Variants in MYOM2 observed in about 807,000 individuals in gnomAD.
MYOM2 encodes the protein myomesin-2.
MYOM2 carries 254 observed loss-of-function variants against 187.6 expected under a neutral mutation model. The observed-to-expected ratio is 1.35, with a 90% confidence interval of 1.22 to 1.50. The LOEUF (loss-of-function observed/expected upper bound fraction) is 1.50. Among genes scored for constraint, MYOM2 ranks in the 40% most tolerant of loss-of-function variants. The pLI is 0.00. For synonymous variants in MYOM2, 981 were observed against 753.8 expected, an observed-to-expected ratio of 1.30 and a Z score of -4.94; for missense variants, 2,796 against 1,924.0, an observed-to-expected ratio of 1.45 and a Z score of -8.48.
Position 2,124,282 on chromosome 8 carries a change from G to C in MYOM2, c.3694+65G>C, listed in dbSNP as rs944137082. ...CTGAAATCACTATTTCCTGACACGG[G>C]AAGTCACTGCTGCAAAAGAGGGCAC... On this transcript the variant is annotated intron_variant, in intron 31 of 36. Coordinates refer to ENST00000262113, the MANE Select transcript of MYOM2 (RefSeq NM_003970.4). The C allele has an allele frequency of 4.8e-5, 71 of 1,493,304 alleles. 1 individual carries two copies. In the South Asian group the frequency reaches 8.1e-4, roughly 17 times the overall value. The allele number at this position is 1,493,304 out of a possible 1,614,324, so 92.5% of individuals were successfully genotyped here. A position where few individuals can be genotyped will look rare whatever the true frequency, so the allele number is the denominator to read the frequency against.
intron 32 of MYOM2, among the ~76,000 whole-genome samples, chr8:2,133,939 CTCCACCCTCT>C (rs1370685776): frequency 6.6e-6 from 1 of 151,934 alleles, no homozygotes; most frequent in East Asian, 1.9e-4. Context: ...CCCTTACATC[CTCCACCCTCT>C]TCCCCTGAGG....
intron 35 of MYOM2, 60 bp downstream of exon 35, chr8:2,142,457 C>T (rs1798306230): frequency 6.3e-7 from 1 of 1,577,004 alleles, no homozygotes; most frequent in Non-Finnish European, 8.7e-7. Flanking sequence ...GCAAAAGTGT[C>T]CATATTTTGG....
intron 1 of MYOM2, among the ~76,000 whole-genome samples, chr8:2,046,191 A>G (rs1818305747): frequency 6.6e-6 from 1 of 152,218 alleles, no homozygotes; most frequent in African/African-American, 2.4e-5. Flanking sequence ...ATTAAGTGGA[A>G]GTCAATGTTT....
chr8:2,135,038 G>C (rs1798020210), intron 32 of MYOM2, among the ~76,000 whole-genome samples: 1 of 152,116 alleles, frequency 6.6e-6, no homozygotes. Flanking sequence ...CTGTGTACTA[G>C]AATCTGATTG....
Position 2,086,357 on chromosome 8 carries a change from GCCT to G in MYOM2, c.1644+970_1644+972del. ...CCCCCACTGTTGTGATCTCTGCGTG[GCCT>G]CCCACTGTTGTGATCTCTGCGTGGC... is the stretch of plus-strand genomic sequence containing the variant. On this transcript the variant is annotated intron_variant, in intron 14 of 36. Coordinates refer to ENST00000262113, the MANE Select transcript of MYOM2 (RefSeq NM_003970.4). 1.9e-5 allele frequency among the ~76,000 whole-genome samples: 2 copies of G among 107,704 alleles called. 1 individual carries two copies. The highest frequency in any genetic ancestry group is 7.9e-5 in the African/African-American group (2 of 25,204). The allele number at this position is 107,704 out of a possible 152,430, so 70.7% of individuals were successfully genotyped here. A position where few individuals can be genotyped will look rare whatever the true frequency, so the allele number is the denominator to read the frequency against.
chr8:2,057,121 T>A (rs1159540616), intron 3 of MYOM2, among the ~76,000 whole-genome samples: 5 of 152,220 alleles, frequency 3.3e-5, no homozygotes, highest in Non-Finnish European at 7.3e-5. Flanking sequence ...TATTAATAAA[T>A]CACATACATG....
chr8:2,072,038 G>C (rs1819240892), intron 8 of MYOM2, among the ~76,000 whole-genome samples: 1 of 152,216 alleles, frequency 6.6e-6, no homozygotes, highest in African/African-American at 2.4e-5. Context: ...TCCGTGTGGA[G>C]CACGGACCTG....
At chr8:2,080,037 G>A (rs1489780282) in intron 13 of MYOM2, among the ~76,000 whole-genome samples, 1 of 152,208 alleles carries the variant, frequency 6.6e-6, no homozygotes, top group Non-Finnish European at 1.5e-5. Context: ...AATGGATTGA[G>A]TCTTTCCTGC....
In MYOM2 at chr8:2,144,092, G is replaced by C. The variant is rs141631910; in HGVS notation, c.4081-572G>C. Among the ~76,000 whole-genome samples the C allele has an allele frequency of 4.7e-3, 713 of 152,154 alleles. 14 individuals carry two copies. The highest frequency in any genetic ancestry group is 0.044 in the East Asian group (230 of 5,180). On this transcript the variant is annotated intron_variant, in intron 36 of 36. Transcript: ENST00000262113. ...GCCCAAAAGACAAAAATTTATAGAC[G>C]TCTTCTTTAGTAGCTAATGGAAGCC...
Position 2,145,064 on chromosome 8 carries a change from C to A in MYOM2, c.*83C>A. ...GTGCTTGTTCCAAATGAGCAGCTGG[C>A]ATCCGAGTGGTGTCCTGTGTGGGCT... is the stretch of plus-strand genomic sequence containing the variant. On this transcript the variant is annotated 3_prime_UTR_variant, in exon 37 of 37. Transcript: ENST00000262113. 2 of 1,471,608 alleles carry A rather than the reference C, an allele frequency of 1.4e-6. No homozygotes were observed. The highest frequency in any genetic ancestry group is 1.9e-6 in the Non-Finnish European group (2 of 1,077,976). 91.2% of individuals were successfully genotyped at this position (1,471,608 alleles called of 1,614,324 possible). A position where few individuals can be genotyped will look rare whatever the true frequency, so the allele number is the denominator to read the frequency against.
intron 6 of MYOM2, among the ~76,000 whole-genome samples, chr8:2,063,327 G>A (rs917698688): frequency 6.6e-6 from 1 of 152,166 alleles, no homozygotes; most frequent in African/African-American, 2.4e-5. Context: ...TGACATGAGT[G>A]ACATTTATTC....
chr8:2,140,864 C>T lies in MYOM2; in HGVS notation c.3942C>T (p.Arg1314=), dbSNP rs760458896. 2.5e-6 allele frequency: 4 copies of T among 1,613,752 alleles called. No individual in the cohort carries two copies. The South Asian group carries it at 4.4e-5, about 18-fold the overall frequency. The change falls in exon 33 of 37, where the codon CGC becomes CGT. Residue 1314 remains arginine (R), a synonymous_variant. Coordinates refer to ENST00000262113, the MANE Select transcript of MYOM2 (RefSeq NM_003970.4). ...TCGATGGCAAAGACAACCATCAACG[C>T]TCCCTTGACCTGTCCGGACAAGGTA... ...EIFDGKDNHQ[R]SLDLSGQAFD...
chr8:2,132,992 C>G (rs1293670398), intron 32 of MYOM2, among the ~76,000 whole-genome samples: 2 of 152,150 alleles, frequency 1.3e-5, no homozygotes, highest in Admixed American at 6.6e-5. Context: ...CGGGACGTTC[C>G]CTTTGTCCTG....
At chr8:2,100,689 C>A (rs534198712) in intron 19 of MYOM2, among the ~76,000 whole-genome samples, 187 bp from the exon 20 acceptor site, 87 of 143,274 alleles carry the variant, frequency 6.1e-4, no homozygotes, top group African/African-American at 2.0e-3. Context: ...TGACCCCCAA[C>A]GTCATGCTGA....
chr8:2,127,520 C>T (rs1167164088), intron 31 of MYOM2, among the ~76,000 whole-genome samples: 1 of 152,244 alleles, frequency 6.6e-6, no homozygotes, highest in African/African-American at 2.4e-5. Context: ...TGGGTGGTTT[C>T]CTCCTTTGCA....
intron 32 of MYOM2, among the ~76,000 whole-genome samples, chr8:2,130,456 A>G (rs1338530224): frequency 6.6e-6 from 1 of 152,226 alleles, no homozygotes; most frequent in Non-Finnish European, 1.5e-5. Context: ...CCCTGCCTTT[A>G]GATATCATAG....
intron 36 of MYOM2, 80 bp from the exon 37 acceptor site, chr8:2,144,584 C>A: frequency 1.4e-6 from 2 of 1,406,870 alleles, no homozygotes; most frequent in Non-Finnish European, 2.0e-6. Context: ...TGAGTGTGAC[C>A]TGGAGCCCAC....
At chr8:2,074,709 C>T (rs111787709) in intron 10 of MYOM2, among the ~76,000 whole-genome samples, 94 of 152,254 alleles carry the variant, frequency 6.2e-4, no homozygotes, top group African/African-American at 2.1e-3. Context: ...CCCCCCAACT[C>T]GGCCTCCCAA....
chr8:2,103,743 A>G lies in MYOM2; in HGVS notation c.2734+962A>G, dbSNP rs374472824. ...TATATGTGTATGTATGGATGGGTGTATGGATAAATGAGTGGGAGAGCATGC... is the reference window on the plus strand; with the variant it reads ...TATATGTGTATGTATGGATGGGTGTGTGGATAAATGAGTGGGAGAGCATGC... On this transcript the variant is annotated intron_variant, in intron 21 of 36. Transcript: ENST00000262113. Among the ~76,000 whole-genome samples, 43 of 150,390 alleles carry G rather than the reference A, an allele frequency of 2.9e-4. No individual in the cohort carries two copies. In the East Asian group the frequency reaches 6.5e-3, roughly 23 times the overall value.
Sources: gnomAD v4.1 joint callset for allele counts (sites outside exome capture counted in the v4.1 genomes callset) on GRCh38, gnomAD v4.1.1 for gene constraint, MANE v1.5 for transcripts, NCBI Gene and HGNC (gene_info 2026-07-23, HGNC 2026-07-21) for gene names.